The following PPP1R13B variants were observed in gnomAD, a reference collection of about 807,000 sequenced individuals.
The protein encoded by PPP1R13B is apoptosis-stimulating of p53 protein 1.
In PPP1R13B, 44 loss-of-function variants were observed where a neutral mutation model predicts 119.8. That is an observed-to-expected ratio of 0.37 (90% CI 0.29 to 0.47). The LOEUF (loss-of-function observed/expected upper bound fraction) is 0.47. Ranked by LOEUF, PPP1R13B falls within the 20% of genes least tolerant of loss-of-function variation. The pLI, the probability that PPP1R13B is intolerant of heterozygous loss-of-function variation, is 0.99. For synonymous variants in PPP1R13B, 542 were observed against 561.5 expected (o/e 0.97, Z 0.49); for missense variants, 1,227 against 1,413.5 (o/e 0.87, Z 2.12).
At chr14:103,797,213 A>C in intron 2 of PPP1R13B, 158 bp downstream of exon 2, 1 of 601,670 alleles carries the variant, frequency 1.7e-6, no homozygotes, top group South Asian at 3.0e-5. Context: ...TAAGAACTAC[A>C]AGCAATATTT....
rs375442723 is a variant in PPP1R13B, at chr14:103,739,968, C to T, written c.2448G>A (p.Pro816=). ...CPQTTHQTAE[P]AEDNNNNVAT... ...CCACGTTGTTGTTATTGTCCTCTGC[C>T]GGCTCGGCAGTTTGGTGGGTGGTTT... is the stretch of plus-strand genomic sequence containing the variant. Residue 816 remains proline (P), a synonymous_variant, in exon 12 of 17, where the codon CCG becomes CCA. Coordinates refer to ENST00000202556, the MANE Select transcript of PPP1R13B (RefSeq NM_015316.3). The T allele has an allele frequency of 1.9e-5, 31 of 1,613,996 alleles. No individual in the cohort carries two copies. In the African/African-American group the frequency reaches 2.5e-4, roughly 13 times the overall value.
At position 103,734,760 on chromosome 14, in the gene PPP1R13B, A is replaced by C. The variant is rs1197796235; in HGVS notation, c.*394T>G. 1 of 464,516 alleles carries C rather than the reference A, an allele frequency of 2.2e-6. No homozygotes were observed. Among genetic ancestry groups the C allele is most frequent in the Non-Finnish European group, 4.3e-6 (1 of 232,568 alleles). The allele number at this position is 464,516 out of a possible 1,614,324, so 28.8% of individuals were successfully genotyped here. On this transcript the variant is annotated 3_prime_UTR_variant, in exon 17 of 17. Transcript: ENST00000202556. The stretch of plus-strand genomic sequence containing the variant: ...GGGGGCAGGGCGGTCGCAGGGGAGC[A>C]GGCCTCACAGCGGCGGACAGTGTTC...
chr14:103,734,774 C>A lies in PPP1R13B; in HGVS notation c.*380G>T. The A allele has an allele frequency of 2.2e-6, 1 of 463,670 alleles. No homozygotes were observed. The highest frequency in any genetic ancestry group is 1.6e-5 in the South Asian group (1 of 63,010). 28.7% of individuals were successfully genotyped at this position (463,670 alleles called of 1,614,324 possible). On this transcript the variant is annotated 3_prime_UTR_variant, in exon 17 of 17. Coordinates refer to ENST00000202556, the MANE Select transcript of PPP1R13B (RefSeq NM_015316.3). ...CGCAGGGGAGCAGGCCTCACAGCGGCGGACAGTGTTCACTGCTGGAGGGGG... is the reference window on the plus strand; with the variant it reads ...CGCAGGGGAGCAGGCCTCACAGCGGAGGACAGTGTTCACTGCTGGAGGGGG...
At chr14:103,759,575 G>A (rs2151989543) in intron 4 of PPP1R13B, among the ~76,000 whole-genome samples, 1 of 151,944 alleles carries the variant, frequency 6.6e-6, no homozygotes, top group East Asian at 1.9e-4. Flanking sequence ...CAAAGCGCTG[G>A]GATTACAGGT....
intron 9 of PPP1R13B, among the ~76,000 whole-genome samples, chr14:103,743,274 T>C (rs536886994): frequency 6.6e-6 from 1 of 152,366 alleles, no homozygotes; most frequent in South Asian, 2.1e-4. Context: ...GTTTGACCTG[T>C]AGTACTTTAA....
chr14:103,846,691 G>A (rs754425931), intron 1 of PPP1R13B: 5 of 455,278 alleles, frequency 1.1e-5, no homozygotes, highest in East Asian at 1.4e-4. Context: ...CATCCTTAAG[G>A]GCAGGACAAA....
At chr14:103,757,543 G>T in intron 5 of PPP1R13B, 107 bp downstream of exon 5, 2 of 964,264 alleles carry the variant, frequency 2.1e-6, no homozygotes, top group Non-Finnish European at 3.2e-6. Flanking sequence ...CTATGGCATG[G>T]TCCTATTTTA....
At chr14:103,758,602 G>A (rs1411829207) in intron 4 of PPP1R13B, among the ~76,000 whole-genome samples, 1 of 152,204 alleles carries the variant, frequency 6.6e-6, no homozygotes, top group African/African-American at 2.4e-5. Flanking sequence ...ATCTGCATGG[G>A]GTTGTGGGGG....
rs910714295 is a variant in PPP1R13B at position 103,742,886 on chromosome 14, A to G, written c.1151-63T>C. Reference sequence around the variant, plus strand: ...AATGTAGTTGAACCAACCTAAGAATAACACTCTGCCAGAAACAAAAACAGC... The same window carrying G: ...AATGTAGTTGAACCAACCTAAGAATGACACTCTGCCAGAAACAAAAACAGC... On this transcript the variant is annotated intron_variant, in intron 9 of 16. Coordinates refer to ENST00000202556, the MANE Select transcript of PPP1R13B (RefSeq NM_015316.3). The surrounding 1 kb of genome is among the most constrained non-coding windows in gnomAD (Gnocchi z 4.9). The G allele has an allele frequency of 1.9e-6, 3 of 1,572,700 alleles. No homozygotes were observed. In the African/African-American group the frequency reaches 4.0e-5, roughly 21 times the overall value.
At chr14:103,751,022 C>T (rs1390096435) in intron 7 of PPP1R13B, among the ~76,000 whole-genome samples, 1 of 151,844 alleles carries the variant, frequency 6.6e-6, no homozygotes. Context: ...GGTATGGTGG[C>T]GGGTGCCTGT....
At chr14:103,735,813 G>T (rs913270163) in intron 16 of PPP1R13B, among the ~76,000 whole-genome samples, 190 bp downstream of exon 16, 11 of 152,174 alleles carry the variant, frequency 7.2e-5, no homozygotes, top group African/African-American at 1.2e-4. Flanking sequence ...AAGCATGGCT[G>T]GGGGAACCTC....
chr14:103,746,519 G>A lies in PPP1R13B; in HGVS notation c.1004C>T (p.Ser335Phe). Reference protein sequence around the residue: ...NRVNGTSSPQSPLSTSGRVAA... With the variant: ...NRVNGTSSPQFPLSTSGRVAA... ...GACCCTGCCCGATGTGCTCAGAGGGGACTGTGGTGATGACGTGCCATTCAC... is the reference window on the plus strand; with the variant it reads ...GACCCTGCCCGATGTGCTCAGAGGGAACTGTGGTGATGACGTGCCATTCAC... Residue 335 changes from serine (S) to phenylalanine (F), a missense_variant, in exon 9 of 17, where the codon TCC becomes TTC. Coordinates refer to ENST00000202556, the MANE Select transcript of PPP1R13B (RefSeq NM_015316.3). The A allele has an allele frequency of 1.9e-6, 3 of 1,609,262 alleles. No homozygotes were observed. The highest frequency in any genetic ancestry group is 2.5e-6 in the Non-Finnish European group (3 of 1,177,716).
At chr14:103,774,978 C>T (rs149210589) in intron 4 of PPP1R13B, among the ~76,000 whole-genome samples, 3 of 152,202 alleles carry the variant, frequency 2.0e-5, no homozygotes, top group African/African-American at 7.2e-5. Flanking sequence ...AGGATAAAAA[C>T]ACATTTTTCA....
At position 103,747,959 on chromosome 14, in the gene PPP1R13B, G is replaced by A. The variant is rs1171690832; in HGVS notation, c.970-1406C>T. ...GGGATCCTGCCTAGAGTTGGCCTTC[G>A]GACTCCAGCTGCAACATCCTCCCTG... On this transcript the variant is annotated intron_variant, in intron 8 of 16. Transcript: ENST00000202556. Among the ~76,000 whole-genome samples the A allele has an allele frequency of 1.6e-4, 25 of 152,124 alleles. No homozygotes were observed. The East Asian group carries it at 4.1e-3, about 25-fold the overall frequency.
intron 1 of PPP1R13B, among the ~76,000 whole-genome samples, chr14:103,814,738 G>C (rs1238427577): frequency 6.6e-6 from 1 of 152,164 alleles, no homozygotes; most frequent in African/African-American, 2.4e-5. Context: ...GAGGTCAGGA[G>C]ATCGAGACCA....
intron 4 of PPP1R13B, among the ~76,000 whole-genome samples, chr14:103,762,555 A>C (rs936252169): frequency 2.6e-5 from 4 of 151,854 alleles, no homozygotes; most frequent in Non-Finnish European, 5.9e-5. Flanking sequence ...ATACGTAACA[A>C]ACCTGCATGT....
rs148129840 is a variant in PPP1R13B, at chr14:103,806,839, C to A, written c.10-9321G>T. Among the ~76,000 whole-genome samples, 819 of 152,288 alleles carry A rather than the reference C, an allele frequency of 5.4e-3. 10 individuals carry two copies. The highest frequency in any genetic ancestry group is 0.019 in the African/African-American group (778 of 41,552). ...AGACTGTCAACCTCGTACCCAGAAA[C>A]TGATAACTCGTCTCCCTGGCTACTA... On this transcript the variant is annotated intron_variant, in intron 1 of 16. Coordinates refer to ENST00000202556, the MANE Select transcript of PPP1R13B (RefSeq NM_015316.3).
At chr14:103,800,745 T>G (rs531763249) in intron 1 of PPP1R13B, among the ~76,000 whole-genome samples, 2 of 152,290 alleles carry the variant, frequency 1.3e-5, no homozygotes, top group African/African-American at 4.8e-5. Context: ...CATCTTTACA[T>G]CTATGGTCAG....
chr14:103,793,584 A>G (rs915219638), intron 2 of PPP1R13B, among the ~76,000 whole-genome samples: 1 of 152,238 alleles, frequency 6.6e-6, no homozygotes, highest in Non-Finnish European at 1.5e-5. Flanking sequence ...TCTTTATAGC[A>G]GTATGAAAAT....
Sources: allele counts gnomAD v4.1 joint callset (sites outside exome capture counted in the v4.1 genomes callset), GRCh38; gene constraint gnomAD v4.1.1; non-coding constraint Gnocchi (gnomAD v3.1); transcripts MANE v1.5; gene names NCBI Gene and HGNC (gene_info 2026-07-23, HGNC 2026-07-21).